The following ITPRID2 variants were observed in gnomAD, a reference collection of about 807,000 sequenced individuals.
ITPRID2 encodes protein ITPRID2.
In ITPRID2, 60 loss-of-function variants were observed where a neutral mutation model predicts 124.3. That is an observed-to-expected ratio of 0.48 (90% CI 0.39 to 0.60). The LOEUF is 0.60. Ranked by LOEUF, ITPRID2 falls within the 20% of genes least tolerant of loss-of-function variation. The pLI is 0.00. For synonymous variants in ITPRID2, 521 were observed against 542.9 expected (o/e 0.96, Z 0.56); for missense variants, 1,553 against 1,512.2 (o/e 1.03, Z -0.45).
intron 8 of ITPRID2, 94 bp from the exon 9 acceptor site, chr2:181,909,805 G>T: frequency 1.2e-6 from 1 of 864,344 alleles, no homozygotes; most frequent in African/African-American, 1.7e-5. Flanking sequence ...GTGCACTTGA[G>T]TTAGGTTGAT....
chr2:181,895,920 A>G (rs1372264025), intron 2 of ITPRID2, 110 bp from the exon 3 acceptor site: 9 of 864,050 alleles, frequency 1.0e-5, no homozygotes, highest in Non-Finnish European at 1.7e-5. Context: ...GGAGAGTTTA[A>G]CTGTGATTAG....
At chr2:181,913,280 G>T (rs1414919014) in intron 9 of ITPRID2, among the ~76,000 whole-genome samples, 1 of 152,064 alleles carries the variant, frequency 6.6e-6, no homozygotes, top group Admixed American at 6.5e-5. Flanking sequence ...TGTTAGCCAG[G>T]ATGGTCTCGA....
rs530879464 is a variant in ITPRID2, at chr2:181,923,795, C to CA, written c.3675+1383_3675+1384insA. On this transcript the variant is annotated intron_variant, in intron 16 of 17. Transcript: ENST00000431877. ...AAACAAATACTCCATTCAATGCACA[C>CA]TTGAATCCTCATTTTTAGAATTTTA... Among the ~76,000 whole-genome samples the CA allele has an allele frequency of 2.3e-3, 345 of 152,132 alleles. 3 individuals are homozygous for CA. The highest frequency in any genetic ancestry group is 7.9e-3 in the African/African-American group (329 of 41,502).
chr2:181,920,569 CAT>C (rs1345683287), intron 14 of ITPRID2, 26 bp from the exon 15 acceptor site: 46 of 1,540,292 alleles, frequency 3.0e-5, no homozygotes, highest in East Asian at 4.5e-5. Flanking sequence ...CACACATATA[CAT>C]ATATATATTG....
In ITPRID2 at chr2:181,916,021, C is replaced by G. The variant is rs1694008356; in HGVS notation, c.2381C>G (p.Ser794Cys). 6.2e-7 allele frequency: 1 copy of G among 1,614,062 alleles called. No homozygotes were observed. The highest frequency in any genetic ancestry group is 8.5e-7 in the Non-Finnish European group (1 of 1,180,030). Residue 794 changes from serine (S) to cysteine (C), a missense_variant, in exon 11 of 18, where the codon TCT becomes TGT. By Grantham distance (112) the Ser-to-Cys change is moderately radical. Coordinates refer to ENST00000431877, the MANE Select transcript of ITPRID2 (RefSeq NM_001130445.3). ...EKRVMEHDGQSLVKSTIFISP... is the reference protein window; with the variant it reads ...EKRVMEHDGQCLVKSTIFISP... Reference sequence around the variant, plus strand: ...CGGGTGATGGAACATGATGGTCAGTCTTTAGTTAAATCGACCATTTTCATC... The same window carrying G: ...CGGGTGATGGAACATGATGGTCAGTGTTTAGTTAAATCGACCATTTTCATC...
chr2:181,926,335 T>G (rs1694847906), intron 16 of ITPRID2, among the ~76,000 whole-genome samples: 1 of 152,214 alleles, frequency 6.6e-6, no homozygotes, highest in South Asian at 2.1e-4. Flanking sequence ...TATATCATGC[T>G]TGATGGTAGG....
intron 11 of ITPRID2, chr2:181,917,048 AC>A (rs1694117970): frequency 1.0e-6 from 1 of 974,212 alleles, no homozygotes; most frequent in Non-Finnish European, 1.2e-6. Context: ...ATGTCTTGTC[AC>A]TTTTAAAGTC....
At position 181,920,584 on chromosome 2, in the gene ITPRID2, C is replaced by T; in HGVS notation, c.3145-13C>T. ...CACACATATACATATATATATTGTTCTTACCTTTTCAGGGAATGTGTGGCA... is the reference window on the plus strand; with the variant it reads ...CACACATATACATATATATATTGTTTTTACCTTTTCAGGGAATGTGTGGCA... On this transcript the variant is annotated splice_polypyrimidine_tract_variant and intron_variant, in intron 14 of 17. Transcript: ENST00000431877. 1.2e-6 allele frequency: 2 copies of T among 1,605,202 alleles called. No homozygotes were observed. The highest frequency in any genetic ancestry group is 2.2e-5 in the South Asian group (2 of 90,738).
At chr2:181,897,071 C>A in intron 4 of ITPRID2, 107 bp downstream of exon 4, 1 of 916,444 alleles carries the variant, frequency 1.1e-6, no homozygotes, top group South Asian at 1.5e-5. Flanking sequence ...ATTTAAAGGT[C>A]TTGAAAATGG....
intron 6 of ITPRID2, among the ~76,000 whole-genome samples, chr2:181,899,541 A>G (rs1177925761): frequency 6.6e-6 from 1 of 152,208 alleles, no homozygotes; most frequent in Non-Finnish European, 1.5e-5. Context: ...AAGATCTTTC[A>G]AATATATAGT....
chr2:181,893,394 G>C (rs895486155), intron 2 of ITPRID2: 1 of 152,166 alleles, frequency 6.6e-6, no homozygotes, highest in Non-Finnish European at 1.5e-5. Flanking sequence ...ACTTTTGTTG[G>C]TGTTTGCTTT....
intron 8 of ITPRID2, among the ~76,000 whole-genome samples, chr2:181,904,909 C>T (rs1368072127): frequency 6.6e-6 from 1 of 152,122 alleles, no homozygotes; most frequent in Non-Finnish European, 1.5e-5. Flanking sequence ...GATGATGAGA[C>T]TGCTCCTGGC....
At position 181,902,363 on chromosome 2, in the gene ITPRID2, G is replaced by C; in HGVS notation, c.1310G>C (p.Ser437Thr). 5 of 1,613,898 alleles carry C rather than the reference G, an allele frequency of 3.1e-6. No homozygotes were observed. The highest frequency in any genetic ancestry group is 4.2e-6 in the Non-Finnish European group (5 of 1,179,858). Reference sequence around the variant, plus strand: ...CTGGAAAATAGCAGTGAGCTGAAAAGTGTCCATATATCCACACCTGAAAAA... The same window carrying C: ...CTGGAAAATAGCAGTGAGCTGAAAACTGTCCATATATCCACACCTGAAAAA... ...SELENSSELK[S>T]VHISTPEKEP... The change falls in exon 8 of 18, where the codon AGT becomes ACT. Residue 437 changes from serine to threonine, a missense_variant. By Grantham distance (58) the Ser-to-Thr change is moderately conservative. Coordinates refer to ENST00000431877, the MANE Select transcript of ITPRID2 (RefSeq NM_001130445.3). The surrounding 1 kb of genome is among the most constrained non-coding windows in gnomAD (Gnocchi z 4.4).
intron 15 of ITPRID2, 96 bp from the exon 16 acceptor site, chr2:181,921,852 A>T (rs574688342): frequency 9.6e-7 from 1 of 1,046,186 alleles, no homozygotes; most frequent in East Asian, 2.5e-5. Flanking sequence ...TACAAATTAC[A>T]TGATTTTAGG....
At chr2:181,916,956 C>T in intron 11 of ITPRID2, 1 of 987,566 alleles carries the variant, frequency 1.0e-6, no homozygotes, top group East Asian at 1.1e-4. Flanking sequence ...AGTCTACTTC[C>T]ACTGGACTCA....
At chr2:181,900,925 G>T (rs750111727) in intron 7 of ITPRID2, 21 bp downstream of exon 7, 12 of 1,558,252 alleles carry the variant, frequency 7.7e-6, no homozygotes, top group Middle Eastern at 1.9e-4. Context: ...TAAGTGTTAG[G>T]CATATTATTT....
At position 181,891,976 on chromosome 2, in the gene ITPRID2, C is replaced by T; in HGVS notation, c.-91C>T. ...CTTCAGCTCCCCGGGGCCCCCTGCCCGGCCGGGCGCTGACAGCAAGGGCGG... is the reference window on the plus strand; with the variant it reads ...CTTCAGCTCCCCGGGGCCCCCTGCCTGGCCGGGCGCTGACAGCAAGGGCGG... On this transcript the variant is annotated 5_prime_UTR_variant, in exon 1 of 18. Coordinates refer to ENST00000431877, the MANE Select transcript of ITPRID2 (RefSeq NM_001130445.3). 7.4e-7 allele frequency: 1 copy of T among 1,352,786 alleles called. No homozygotes were observed. The highest frequency in any genetic ancestry group is 9.9e-7 in the Non-Finnish European group (1 of 1,011,316). 83.8% of individuals were successfully genotyped at this position (1,352,786 alleles called of 1,614,324 possible).
rs1694311718 is a variant in ITPRID2 at position 181,919,365 on chromosome 2, G to GCTGGAGGAGCGCCTGCTGGGC, written c.3074_3094dup (p.Arg1025_Glu1031dup). On this transcript the variant is annotated inframe_insertion, in exon 14 of 18. Transcript: ENST00000431877. The surrounding 1 kb of genome is among the most constrained non-coding windows in gnomAD (Gnocchi z 4.2). Reference sequence around the variant, plus strand: ...TGGAACTTCAGGACCTGGAACTGCAGCTGGAGGAGCGCCTGCTGGGCCTGG... The same window carrying GCTGGAGGAGCGCCTGCTGGGC: ...TGGAACTTCAGGACCTGGAACTGCAGCTGGAGGAGCGCCTGCTGGGCCTGGAGGAGCGCCTGCTGGGCCTGG... The GCTGGAGGAGCGCCTGCTGGGC allele has an allele frequency of 1.9e-6, 3 of 1,613,992 alleles. No individual in the cohort carries two copies. The highest frequency in any genetic ancestry group is 2.7e-5 in the African/African-American group (2 of 74,950).
chr2:181,914,924 GTGTTTGTCCATTTTCTCTA>G (rs1283560378), intron 10 of ITPRID2, among the ~76,000 whole-genome samples: 2 of 152,182 alleles, frequency 1.3e-5, no homozygotes, highest in African/African-American at 4.8e-5. Context: ...ATGTTAGGAA[GTGTTTGTCCATTTTCTCTA>G]TGAGTCAGTG....
Sources: gnomAD v4.1 joint callset for allele counts (sites outside exome capture counted in the v4.1 genomes callset) on GRCh38, gnomAD v4.1.1 for gene constraint, Gnocchi (gnomAD v3.1) non-coding constraint, MANE v1.5 for transcripts, NCBI Gene and HGNC (gene_info 2026-07-23, HGNC 2026-07-21) for gene names.